Variants in MLLT3 observed in about 807,000 individuals in gnomAD.
MLLT3 encodes the protein MLLT3 super elongation complex subunit, also known as protein AF-9.
MLLT3 carries 4 observed loss-of-function variants against 53.2 expected under a neutral mutation model. That is an observed-to-expected ratio of 0.08 (90% CI 0.04 to 0.17). The LOEUF is 0.17. Ranked by LOEUF, MLLT3 falls within the 10% of genes least tolerant of loss-of-function variation. The probability of loss-of-function intolerance (pLI) is 1.00; values close to 1 mark genes in which losing one functional copy is unlikely to be tolerated. For missense variants in MLLT3, 569 were observed against 684.0 expected, an observed-to-expected ratio of 0.83 and a Z score of 1.87; for synonymous variants, 283 against 230.6, an observed-to-expected ratio of 1.23 and a Z score of -2.06.
intron 2 of MLLT3, among the ~76,000 whole-genome samples, chr9:20,469,721 C>T (rs1235709145): frequency 8.4e-6 from 1 of 119,112 alleles, no homozygotes; most frequent in African/African-American, 2.9e-5. Flanking sequence ...TCGGTGCAAT[C>T]AGGAAAAAAA....
intron 2 of MLLT3, among the ~76,000 whole-genome samples, chr9:20,563,110 T>G (rs1819258104): frequency 6.6e-6 from 1 of 152,096 alleles, no homozygotes; most frequent in Admixed American, 6.6e-5. Flanking sequence ...GGGGAAAGTT[T>G]CCAAGAAGCA....
rs561910525 is a variant in MLLT3 at position 20,469,485 on chromosome 9, TA to T, written c.194-12700del. On this transcript the variant is annotated intron_variant, in intron 2 of 10. Transcript: ENST00000380338. The stretch of plus-strand genomic sequence containing the variant: ...CACCCTGCCACTATGCAGTCAATCT[TA>T]ATAGTATTCCAGAACAGCGTGCCCA... Among the ~76,000 whole-genome samples, 761 of 152,228 alleles carry T rather than the reference TA, an allele frequency of 5.0e-3. 7 individuals carry two copies. The highest frequency in any genetic ancestry group is 0.017 in the African/African-American group (715 of 41,554).
intron 2 of MLLT3, among the ~76,000 whole-genome samples, chr9:20,617,198 T>C (rs1039737570): frequency 2.0e-5 from 3 of 152,178 alleles, no homozygotes; most frequent in Non-Finnish European, 2.9e-5. Flanking sequence ...AGAGAAAATA[T>C]ACCAGATGCA....
intron 5 of MLLT3, among the ~76,000 whole-genome samples, chr9:20,411,646 C>T (rs1822730888): frequency 6.6e-6 from 1 of 152,164 alleles, no homozygotes; most frequent in African/African-American, 2.4e-5. Flanking sequence ...TTACTACCTA[C>T]TGTAAAGTTT....
rs1052208341 is a variant in MLLT3 at position 20,411,081 on chromosome 9, T to G, written c.1125+2640A>C. On this transcript the variant is annotated intron_variant, in intron 5 of 10. Coordinates refer to ENST00000380338, the MANE Select transcript of MLLT3 (RefSeq NM_004529.4). ...ACTTACTCAGAGGCAGACACACAACTAGGACAATGTGCACAGTCACCCCTG... is the reference window on the plus strand; with the variant it reads ...ACTTACTCAGAGGCAGACACACAACGAGGACAATGTGCACAGTCACCCCTG... 2.6e-5 allele frequency: 4 copies of G among 152,208 alleles called. No homozygotes were observed. The South Asian group carries it at 8.3e-4, about 31-fold the overall frequency. 9.4% of individuals were successfully genotyped at this position (152,208 alleles called of 1,614,324 possible). A position where few individuals can be genotyped will look rare whatever the true frequency, so the allele number is the denominator to read the frequency against.
chr9:20,582,787 G>T (rs1280508946), intron 2 of MLLT3, among the ~76,000 whole-genome samples: 1 of 152,082 alleles, frequency 6.6e-6, no homozygotes, highest in Non-Finnish European at 1.5e-5. Context: ...GGAAAGACCG[G>T]CCTCCATGAT....
At chr9:20,546,887 C>T (rs943616517) in intron 2 of MLLT3, among the ~76,000 whole-genome samples, 20 of 152,220 alleles carry the variant, frequency 1.3e-4, no homozygotes, top group Admixed American at 3.9e-4. Context: ...ACATAAACTG[C>T]ATGCCTTCTG....
In MLLT3 at chr9:20,622,369, G is replaced by T; in HGVS notation, c.-113C>A. On this transcript the variant is annotated 5_prime_UTR_variant, in exon 1 of 11. Coordinates refer to ENST00000380338, the MANE Select transcript of MLLT3 (RefSeq NM_004529.4). ...TATGAATGAGAGCGCGCCCAGGAGC[G>T]GAGGGTAGATGGCGGACATTCTCTG... The T allele has an allele frequency of 9.9e-7, 1 of 1,009,620 alleles. No homozygotes were observed. Among genetic ancestry groups the T allele is most frequent in the Non-Finnish European group, 1.4e-6 (1 of 707,682 alleles). 62.5% of individuals were successfully genotyped at this position (1,009,620 alleles called of 1,614,324 possible).
At chr9:20,395,057 CA>C (rs1025688444) in intron 5 of MLLT3, among the ~76,000 whole-genome samples, 17 of 152,140 alleles carry the variant, frequency 1.1e-4, no homozygotes, top group African/African-American at 4.1e-4. Flanking sequence ...AGCTAAGCGT[CA>C]GAGGAACTAA....
chr9:20,578,672 ATATTT>A (rs947456616), intron 2 of MLLT3, among the ~76,000 whole-genome samples: 3 of 152,122 alleles, frequency 2.0e-5, no homozygotes, highest in African/African-American at 7.2e-5. Context: ...ATTTTAAATT[ATATTT>A]TATTTTAATT....
intron 2 of MLLT3, among the ~76,000 whole-genome samples, chr9:20,502,938 C>G (rs1018234796): frequency 1.3e-5 from 2 of 152,006 alleles, no homozygotes; most frequent in African/African-American, 2.4e-5. Context: ...ATTAAGAAAA[C>G]AATCCATTCA....
chr9:20,438,280 T>C (rs1823455409), intron 4 of MLLT3, among the ~76,000 whole-genome samples: 1 of 152,214 alleles, frequency 6.6e-6, no homozygotes, highest in Non-Finnish European at 1.5e-5. Flanking sequence ...CCACTGCAAA[T>C]GGTTGTCCAG....
At chr9:20,423,899 G>A (rs1023231472) in intron 4 of MLLT3, among the ~76,000 whole-genome samples, 1 of 152,022 alleles carries the variant, frequency 6.6e-6, no homozygotes, top group Non-Finnish European at 1.5e-5. Context: ...GGAAGTCACT[G>A]CACTCCAGCC....
chr9:20,453,450 C>A (rs1823886953), intron 3 of MLLT3, among the ~76,000 whole-genome samples: 2 of 152,080 alleles, frequency 1.3e-5, no homozygotes, highest in Non-Finnish European at 2.9e-5. Context: ...GTGGTCCCAG[C>A]TACTTGGGAA....
At position 20,622,456 on chromosome 9, in the gene MLLT3, A is replaced by AAAG. The variant is rs1456625333; in HGVS notation, c.-203_-201dup. On this transcript the variant is annotated 5_prime_UTR_variant, in exon 1 of 11. Coordinates refer to ENST00000380338, the MANE Select transcript of MLLT3 (RefSeq NM_004529.4). ...CTTATTAAACTCAGCCCCAAAAGCA[A>AAAG]AAGCAGCAGCAGCAGCAGCAGCTCC... 5.6e-6 allele frequency: 3 copies of AAAG among 538,176 alleles called. No individual in the cohort carries two copies. The African/African-American group carries it at 5.9e-5, about 11-fold the overall frequency. The allele number at this position is 538,176 out of a possible 1,614,324, so 33.3% of individuals were successfully genotyped here. A position where few individuals can be genotyped will look rare whatever the true frequency, so the allele number is the denominator to read the frequency against.
intron 4 of MLLT3, among the ~76,000 whole-genome samples, chr9:20,425,623 TCTTA>T (rs1823122237): frequency 6.6e-6 from 1 of 152,138 alleles, no homozygotes; most frequent in Non-Finnish European, 1.5e-5. Context: ...TCATTTGTTA[TCTTA>T]CTGTTTTCGA....
chr9:20,475,329 T>C (rs376132739), intron 2 of MLLT3, among the ~76,000 whole-genome samples: 34 of 152,084 alleles, frequency 2.2e-4, no homozygotes, highest in Admixed American at 6.6e-4. Flanking sequence ...AAAAGACTTA[T>C]CCCATCCCCT....
intron 2 of MLLT3, among the ~76,000 whole-genome samples, chr9:20,468,739 A>G (rs1354137971): frequency 6.6e-6 from 1 of 152,244 alleles, no homozygotes; most frequent in Non-Finnish European, 1.5e-5. Flanking sequence ...GGCTGCTTCC[A>G]CATCTAAAAT....
chr9:20,622,421 C>A lies in MLLT3; in HGVS notation c.-165G>T. ...CTTTTTCCCCCCGCGCTCGCTTGCT[C>A]GCTCGCTCGCTTATTAAACTCAGCC... On this transcript the variant is annotated 5_prime_UTR_variant, in exon 1 of 11. Transcript: ENST00000380338. 2 of 615,370 alleles carry A rather than the reference C, an allele frequency of 3.3e-6. No homozygotes were observed. The highest frequency in any genetic ancestry group is 2.8e-6 in the Non-Finnish European group (1 of 360,060). The allele number at this position is 615,370 out of a possible 1,614,324, so 38.1% of individuals were successfully genotyped here.
Sources: gnomAD v4.1 joint callset for allele counts (sites outside exome capture counted in the v4.1 genomes callset) on GRCh38, gnomAD v4.1.1 for gene constraint, MANE v1.5 for transcripts, NCBI Gene and HGNC (gene_info 2026-07-23, HGNC 2026-07-21) for gene names.